SEC24B: variants seen among roughly 807,000 people sequenced by gnomAD.
SEC24B encodes the protein protein transport protein Sec24B.
In SEC24B, 45 loss-of-function variants were observed where a neutral mutation model predicts 142.8. That is an observed-to-expected ratio of 0.32 (90% CI 0.25 to 0.40). The LOEUF (loss-of-function observed/expected upper bound fraction) is 0.40. SEC24B is among the 10% of genes least tolerant of loss of function. The pLI is 1.00. For missense variants in SEC24B, 1,409 were observed against 1,526.8 expected (o/e 0.92, Z 1.29); for synonymous variants, 574 against 568.2 (o/e 1.01, Z -0.15).
chr4:109,506,303 A>C, intron 6 of SEC24B, 25 bp from the exon 7 acceptor site: 3 of 1,448,432 alleles, frequency 2.1e-6, no homozygotes, highest in South Asian at 1.6e-5. Context: ...TTGTTCTTTT[A>C]TTTTGTTTTG....
chr4:109,462,513 C>T (rs1731367957), intron 1 of SEC24B, among the ~76,000 whole-genome samples: 1 of 152,176 alleles, frequency 6.6e-6, no homozygotes, highest in African/African-American at 2.4e-5. Flanking sequence ...AGTTAAGTTC[C>T]TCCTTGCATG....
chr4:109,444,054 C>A (rs1029980299), intron 1 of SEC24B, among the ~76,000 whole-genome samples: 1 of 151,788 alleles, frequency 6.6e-6, no homozygotes. Context: ...AAAAACCCAT[C>A]TCTACTAAAA....
Position 109,521,441 on chromosome 4 carries a change from G to A in SEC24B, c.2323G>A (p.Ala775Thr), listed in dbSNP as rs1399933042. 6.2e-7 allele frequency: 1 copy of A among 1,613,824 alleles called. No homozygotes were observed. The highest frequency in any genetic ancestry group is 8.5e-7 in the Non-Finnish European group (1 of 1,179,832). The change falls in exon 14 of 24, where the codon GCA becomes ACA. Residue 775 changes from alanine (A) to threonine (T), a missense_variant. By Grantham distance (58) the Ala-to-Thr change is moderately conservative. Around this residue, in one of 2 missense-constraint regions of SEC24B, gnomAD observed 700 missense variants for 853.3 expected, o/e 0.82. Coordinates refer to ENST00000265175, the MANE Select transcript of SEC24B (RefSeq NM_006323.5). ...SKELIKDLLN[A>T]LPNMFTNTRE... ...TCAGCTTATAAAAGACTTACTGAATGCATTACCAAACATGTTCACCAATAC... is the reference window on the plus strand; with the variant it reads ...TCAGCTTATAAAAGACTTACTGAATACATTACCAAACATGTTCACCAATAC...
rs1388450150 is a variant in SEC24B, at chr4:109,516,570, G to A, written c.2056G>A (p.Val686Met). 1 of 1,613,088 alleles carries A rather than the reference G, an allele frequency of 6.2e-7. No individual in the cohort carries two copies. Among genetic ancestry groups the A allele is most frequent in the East Asian group, 2.2e-5 (1 of 44,814 alleles). Residue 686 changes from valine (V) to methionine (M), a missense_variant, in exon 11 of 24, where the codon GTG becomes ATG. Transcript: ENST00000265175. ...TGCAGTTTACTTGTTTGTTTTAGAT[G>A]TGTCTCATAATGCAGTGGAAGCTGG... ...QPAVYLFVLD[V>M]SHNAVEAGYL...
At chr4:109,519,379 A>G (rs771915100) in intron 11 of SEC24B, among the ~76,000 whole-genome samples, 4 of 152,268 alleles carry the variant, frequency 2.6e-5, no homozygotes, top group Non-Finnish European at 5.9e-5. Flanking sequence ...CTATTTGATT[A>G]CAGCAGAAAA....
At chr4:109,461,453 G>A (rs1243648711) in intron 1 of SEC24B, among the ~76,000 whole-genome samples, 1 of 152,168 alleles carries the variant, frequency 6.6e-6, no homozygotes, top group African/African-American at 2.4e-5. Context: ...CATCAATGGA[G>A]ATTTGGTGAA....
intron 7 of SEC24B, among the ~76,000 whole-genome samples, chr4:109,506,845 A>G (rs551092286): frequency 6.6e-6 from 1 of 152,290 alleles, no homozygotes; most frequent in East Asian, 1.9e-4. Context: ...TATCTTTTCA[A>G]TAAGGACAGA....
intron 7 of SEC24B, among the ~76,000 whole-genome samples, chr4:109,508,004 C>T (rs973321780): frequency 2.6e-5 from 4 of 152,180 alleles, no homozygotes; most frequent in African/African-American, 9.7e-5. Flanking sequence ...GCAAACCACT[C>T]TTCAACCAAA....
chr4:109,533,636 T>G lies in SEC24B; in HGVS notation c.3539T>G (p.Ile1180Arg), dbSNP rs370921750. Reference protein sequence around the residue: ...WVGKGCDNNFIEDVLGYTNFA... With the variant: ...WVGKGCDNNFREDVLGYTNFA... ...GGGAAAGGCTGTGACAATAACTTCA[T>G]AGAGGATGTGCTTGGATATACTAAT... The change falls in exon 22 of 24, where the codon ATA becomes AGA. Residue 1180 changes from isoleucine to arginine, a missense_variant. Around this residue, in one of 2 missense-constraint regions of SEC24B, gnomAD observed 700 missense variants for 853.3 expected, o/e 0.82. Transcript: ENST00000265175. 4.2e-5 allele frequency: 68 copies of G among 1,611,256 alleles called. 1 individual carries two copies. Among genetic ancestry groups the G allele is most frequent in the Admixed American group, 6.7e-5 (4 of 59,572 alleles).
At chr4:109,489,704 CT>C (rs558524729) in intron 4 of SEC24B, among the ~76,000 whole-genome samples, 7 of 143,578 alleles carry the variant, frequency 4.9e-5, no homozygotes, top group Non-Finnish European at 1.1e-4. Flanking sequence ...TATATATGGT[CT>C]TTTTTGTTTG....
intron 1 of SEC24B, among the ~76,000 whole-genome samples, chr4:109,462,418 G>A (rs2125931197): frequency 6.6e-6 from 1 of 152,328 alleles, no homozygotes; most frequent in East Asian, 1.9e-4. Flanking sequence ...GTTATCTCAA[G>A]ATTCTACTGA....
At chr4:109,471,173 CCCGCTT>C (rs1339188699) in intron 2 of SEC24B, among the ~76,000 whole-genome samples, 7 of 152,134 alleles carry the variant, frequency 4.6e-5, no homozygotes, top group African/African-American at 1.4e-4. Flanking sequence ...GACAGGGTCT[CCCGCTT>C]TCACCCAGGC....
intron 7 of SEC24B, 108 bp from the exon 8 acceptor site, chr4:109,509,901 C>T (rs1424172109): frequency 1.7e-6 from 1 of 601,602 alleles, no homozygotes. Flanking sequence ...CAGTAACATG[C>T]CCAAATGATT....
intron 8 of SEC24B, among the ~76,000 whole-genome samples, chr4:109,511,027 A>G (rs1449400826): frequency 3.3e-5 from 5 of 152,022 alleles, no homozygotes; most frequent in Non-Finnish European, 7.4e-5. Flanking sequence ...AGTACCGTGA[A>G]TTTATTCATT....
At chr4:109,518,532 T>C (rs1052878610) in intron 11 of SEC24B, among the ~76,000 whole-genome samples, 1 of 152,210 alleles carries the variant, frequency 6.6e-6, no homozygotes, top group Non-Finnish European at 1.5e-5. Context: ...ATGCTACTTC[T>C]AGTCACCATA....
At position 109,454,769 on chromosome 4, in the gene SEC24B, C is replaced by T. The variant is rs146185883; in HGVS notation, c.134-8132C>T. Among the ~76,000 whole-genome samples the T allele has an allele frequency of 9.7e-4, 148 of 152,286 alleles. 3 individuals are homozygous for T. In the East Asian group the frequency reaches 0.027, roughly 27 times the overall value. On this transcript the variant is annotated intron_variant, in intron 1 of 23. Coordinates refer to ENST00000265175, the MANE Select transcript of SEC24B (RefSeq NM_006323.5). ...ACAAAACCTAAAAATATTATTCTAA[C>T]TTTCCCTCTGTCCTATGTGTAAAAA...
intron 1 of SEC24B, among the ~76,000 whole-genome samples, chr4:109,451,802 A>G (rs1334665887): frequency 6.6e-6 from 1 of 152,194 alleles, no homozygotes; most frequent in African/African-American, 2.4e-5. Context: ...ATGCTAACCC[A>G]TCTATAATTA....
chr4:109,528,430 C>CA lies in SEC24B; in HGVS notation c.3076+1015dup, dbSNP rs35976480. ...TGAGTGACAGCGTGAGACTGCATCT[C>CA]AAAAAAAAAAAAAAAAAGCTACATA... On this transcript the variant is annotated intron_variant, in intron 18 of 23. Transcript: ENST00000265175. Among the ~76,000 whole-genome samples the CA allele has an allele frequency of 4.1e-3, 318 of 78,006 alleles. 1 individual carries two copies. The highest frequency in any genetic ancestry group is 5.6e-3 in the East Asian group (13 of 2,316). The allele number at this position is 78,006 out of a possible 152,430, so 51.2% of individuals were successfully genotyped here.
At chr4:109,459,386 AAT>A (rs1308439145) in intron 1 of SEC24B, among the ~76,000 whole-genome samples, 3 of 152,208 alleles carry the variant, frequency 2.0e-5, no homozygotes, top group African/African-American at 7.2e-5. Context: ...ATAAGTGTAA[AAT>A]ACATAATGAT....
Sources: gnomAD v4.1 joint callset for allele counts (sites outside exome capture counted in the v4.1 genomes callset) on GRCh38, gnomAD v4.1.1 for gene constraint, gnomAD v4.1.1 regional missense constraint, MANE v1.5 for transcripts, NCBI Gene and HGNC (gene_info 2026-07-23, HGNC 2026-07-21) for gene names.